CLIP2: variants seen among roughly 807,000 people sequenced by gnomAD.
The protein encoded by CLIP2 is CAP-Gly domain containing linker protein 2, also known as CAP-Gly domain-containing linker protein 2.
In CLIP2, 41 loss-of-function variants were observed where a neutral mutation model predicts 111.7. That is an observed-to-expected ratio of 0.37 (90% CI 0.29 to 0.48). The LOEUF (loss-of-function observed/expected upper bound fraction) is 0.48. Among genes scored for constraint, CLIP2 ranks in the 20% least tolerant of loss-of-function variants. The pLI, the probability that CLIP2 is intolerant of heterozygous loss-of-function variation, is 0.99. For missense variants in CLIP2, 1,160 were observed against 1,422.1 expected, an observed-to-expected ratio of 0.82 and a Z score of 2.96; for synonymous variants, 660 against 644.2, an observed-to-expected ratio of 1.02 and a Z score of -0.37.
At chr7:74,327,834 G>A (rs760403870) in intron 2 of CLIP2, among the ~76,000 whole-genome samples, 1 of 152,178 alleles carries the variant, frequency 6.6e-6, no homozygotes, top group African/African-American at 2.4e-5. Flanking sequence ...GCCTGGCCAC[G>A]GGCTTCTCCA....
chr7:74,300,899 C>A (rs1564025384), intron 1 of CLIP2, among the ~76,000 whole-genome samples: 1 of 152,176 alleles, frequency 6.6e-6, no homozygotes, highest in Non-Finnish European at 1.5e-5. Flanking sequence ...CATACCAGTG[C>A]TGGTATCCTT....
In CLIP2 at chr7:74,338,672, C is replaced by T. The variant is rs374261717; in HGVS notation, c.346C>T (p.Pro116Ser). The change falls in exon 3 of 17, where the codon CCG (proline) becomes TCG (serine). Residue 116 changes from proline to serine, a missense_variant. Physicochemically the swap from Pro to Ser is moderately conservative, Grantham distance 74. Around this residue, in one of 5 missense-constraint regions of CLIP2, gnomAD observed 301 missense variants for 315.2 expected, o/e 0.96. Coordinates refer to ENST00000223398, the MANE Select transcript of CLIP2 (RefSeq NM_003388.5). This position sits in a 1 kb window ranked among gnomAD's most constrained non-coding sequence, Gnocchi z 4.3. Reference protein sequence around the residue: ...GQWAGVVLDDPVGKNDGAVGG... With the variant: ...GQWAGVVLDDSVGKNDGAVGG... Reference sequence around the variant, plus strand: ...GTGGGCTGGCGTGGTGCTGGACGACCCGGTGGGCAAGAATGATGGCGCGGT... The same window carrying T: ...GTGGGCTGGCGTGGTGCTGGACGACTCGGTGGGCAAGAATGATGGCGCGGT... The T allele has an allele frequency of 2.5e-6, 4 of 1,578,776 alleles. No individual in the cohort carries two copies. Among genetic ancestry groups the T allele is most frequent in the Non-Finnish European group, 3.4e-6 (4 of 1,165,726 alleles).
chr7:74,302,342 A>G lies in CLIP2; in HGVS notation c.-68+12608A>G, dbSNP rs145954168. Among the ~76,000 whole-genome samples, 274 of 151,798 alleles carry G rather than the reference A, an allele frequency of 1.8e-3. 1 individual carries two copies. The highest frequency in any genetic ancestry group is 3.4e-3 in the African/African-American group (142 of 41,298). The stretch of plus-strand genomic sequence containing the variant: ...GCGATTCTCCTGCCTCAGCCTCCCA[A>G]GTAGCAGGGATTACAGGCGCACACC... On this transcript the variant is annotated intron_variant, in intron 1 of 16. Coordinates refer to ENST00000223398, the MANE Select transcript of CLIP2 (RefSeq NM_003388.5).
chr7:74,390,817 G>GTGGGCAGA (rs1432225892), intron 13 of CLIP2, among the ~76,000 whole-genome samples: 1 of 152,016 alleles, frequency 6.6e-6, no homozygotes, highest in Non-Finnish European at 1.5e-5. Flanking sequence ...GGAGGTCGAG[G>GTGGGCAGA]TGGGCAGATC....
chr7:74,386,027 C>T (rs1378386755), intron 11 of CLIP2, among the ~76,000 whole-genome samples: 9 of 150,584 alleles, frequency 6.0e-5, no homozygotes, highest in African/African-American at 2.2e-4. Flanking sequence ...TAGGCATGAG[C>T]CACCTCGCCC....
intron 13 of CLIP2, among the ~76,000 whole-genome samples, chr7:74,390,981 G>A (rs1206517193): frequency 6.6e-6 from 1 of 151,958 alleles, no homozygotes; most frequent in Non-Finnish European, 1.5e-5. Context: ...CCCGGAAGGC[G>A]GAGGTTGCAG....
Position 74,359,598 on chromosome 7 carries a change from G to A in CLIP2, c.1216-577G>A, listed in dbSNP as rs559617291. Among the ~76,000 whole-genome samples the A allele has an allele frequency of 1.1e-4, 17 of 152,096 alleles. No homozygotes were observed. In the South Asian group the frequency reaches 3.1e-3, roughly 28 times the overall value. ...TCTCAATCTCCTGACCTTGTGATCC[G>A]CCCGCCTTGGCCTCCCAAAGTGCTG... On this transcript the variant is annotated intron_variant, in intron 6 of 16. Coordinates refer to ENST00000223398, the MANE Select transcript of CLIP2 (RefSeq NM_003388.5).
intron 1 of CLIP2, among the ~76,000 whole-genome samples, chr7:74,290,451 C>A (rs117820878): frequency 3.9e-5 from 6 of 152,240 alleles, no homozygotes; most frequent in African/African-American, 1.2e-4. Flanking sequence ...CTTCAGGGCC[C>A]GCCCGTTTGG....
rs377235769 is a variant in CLIP2, at chr7:74,378,498, G to C, written c.2421+1676G>C. On this transcript the variant is annotated intron_variant, in intron 10 of 16. Transcript: ENST00000223398. ...CTCACACCTATAATTCCAGCATTTCGAGAGGCTGAGGCAGGAGGATTGCTT... is the reference window on the plus strand; with the variant it reads ...CTCACACCTATAATTCCAGCATTTCCAGAGGCTGAGGCAGGAGGATTGCTT... Among the ~76,000 whole-genome samples, 21 of 152,142 alleles carry C rather than the reference G, an allele frequency of 1.4e-4. 1 individual carries two copies. The East Asian group carries it at 4.1e-3, about 30-fold the overall frequency.
intron 2 of CLIP2, among the ~76,000 whole-genome samples, chr7:74,323,711 C>T (rs1366166199): frequency 6.6e-6 from 1 of 152,184 alleles, no homozygotes; most frequent in African/African-American, 2.4e-5. Flanking sequence ...CAGGCATGAG[C>T]CAGTGCGCCT....
At chr7:74,386,150 C>A (rs936376133) in intron 11 of CLIP2, among the ~76,000 whole-genome samples, 2 of 151,270 alleles carry the variant, frequency 1.3e-5, no homozygotes, top group Non-Finnish European at 2.9e-5. Flanking sequence ...CGGGTTCAAA[C>A]GATTCTCCTG....
At chr7:74,290,542 G>A (rs1787986449) in intron 1 of CLIP2, among the ~76,000 whole-genome samples, 1 of 152,254 alleles carries the variant, frequency 6.6e-6, no homozygotes, top group Non-Finnish European at 1.5e-5. Flanking sequence ...GGGAAGGACG[G>A]GCAGAGGGAG....
At chr7:74,293,965 G>A (rs1178832892) in intron 1 of CLIP2, among the ~76,000 whole-genome samples, 1 of 151,576 alleles carries the variant, frequency 6.6e-6, no homozygotes, top group African/African-American at 2.4e-5. Context: ...TGCCCAGGCT[G>A]GAGTGCAGTG....
chr7:74,320,679 G>A (rs2116509581), intron 2 of CLIP2, among the ~76,000 whole-genome samples: 1 of 152,296 alleles, frequency 6.6e-6, no homozygotes. Context: ...GTTATCCGGG[G>A]GAGGGAAGGG....
chr7:74,347,186 G>T (rs1789819404), intron 3 of CLIP2, among the ~76,000 whole-genome samples: 1 of 152,164 alleles, frequency 6.6e-6, no homozygotes, highest in African/African-American at 2.4e-5. Flanking sequence ...TGGACACTTG[G>T]TCTCCTGAGA....
intron 3 of CLIP2, among the ~76,000 whole-genome samples, chr7:74,347,159 C>T (rs1453437047): frequency 1.3e-5 from 2 of 152,176 alleles, no homozygotes. Context: ...GACTGTTCCT[C>T]TAGCTGATGT....
intron 1 of CLIP2, among the ~76,000 whole-genome samples, chr7:74,296,215 TG>T (rs1373733680): frequency 6.6e-6 from 1 of 151,928 alleles, no homozygotes; most frequent in Non-Finnish European, 1.5e-5. Flanking sequence ...AAAACAACCC[TG>T]CTGTGCCCAG....
intron 1 of CLIP2, among the ~76,000 whole-genome samples, chr7:74,302,665 G>T (rs967995914): frequency 7.9e-5 from 12 of 152,206 alleles, no homozygotes; most frequent in African/African-American, 2.9e-4. Context: ...GTCCTGCCCT[G>T]CTCAGCCCAG....
intron 2 of CLIP2, among the ~76,000 whole-genome samples, chr7:74,336,455 CA>C (rs1554732111): frequency 1.3e-5 from 2 of 151,878 alleles, no homozygotes; most frequent in Non-Finnish European, 2.9e-5. Context: ...TGGTAGAAGG[CA>C]AAAGGCACGT....
Sources: allele counts gnomAD v4.1 joint callset (sites outside exome capture counted in the v4.1 genomes callset), GRCh38; gene constraint gnomAD v4.1.1; regional missense constraint gnomAD v4.1.1; non-coding constraint Gnocchi (gnomAD v3.1); transcripts MANE v1.5; gene names NCBI Gene and HGNC (gene_info 2026-07-23, HGNC 2026-07-21).